The following KANK3 variants were observed in gnomAD, a reference collection of about 807,000 sequenced individuals.
KANK3 encodes the protein KN motif and ankyrin repeat domain-containing protein 3.
KANK3 carries 61 observed loss-of-function variants against 65.4 expected under a neutral mutation model. The observed-to-expected ratio is 0.93, with a 90% CI of 0.76 to 1.15. The LOEUF (loss-of-function observed/expected upper bound fraction) is 1.15, where lower values mean the gene tolerates loss of function less well. KANK3 is among the 50% of genes most tolerant of loss of function. The pLI is 0.00. For synonymous variants in KANK3, 586 were observed against 543.3 expected, an observed-to-expected ratio of 1.08 and a Z score of -1.09; for missense variants, 1,187 against 1,178.8, an observed-to-expected ratio of 1.01 and a Z score of -0.10.
Position 8,333,641 on chromosome 19 carries a change from C to A in KANK3, c.1719+83G>T, listed in dbSNP as rs951669387. 1.2e-5 allele frequency: 14 copies of A among 1,147,160 alleles called. No homozygotes were observed. Among genetic ancestry groups the A allele is most frequent in the Non-Finnish European group, 1.6e-5 (14 of 848,636 alleles). 71.1% of individuals were successfully genotyped at this position (1,147,160 alleles called of 1,614,324 possible). A position where few individuals can be genotyped will look rare whatever the true frequency, so the allele number is the denominator to read the frequency against. On this transcript the variant is annotated intron_variant, in intron 6 of 10. Transcript: ENST00000330915. The surrounding 1 kb of genome is among the most constrained non-coding windows in gnomAD (Gnocchi z 5.0). ...GGTGCCTGGCGGGAAGGGATGGAAC[C>A]CGGTGTGCTCCCCTAAGTGGGCGTC...
At chr19:8,342,845 G>C (rs1970738111) in intron 1 of KANK3, among the ~76,000 whole-genome samples, 2 of 152,072 alleles carry the variant, frequency 1.3e-5, no homozygotes, top group African/African-American at 4.8e-5. Context: ...GGGGCCGTGC[G>C]TCCCTCCCCA....
rs1483724346 is a variant in KANK3, at chr19:8,322,877, C to T, written c.2428G>A (p.Glu810Lys). The change falls in exon 11 of 11, where the codon GAA becomes AAA. Residue 810 changes from glutamate (E) to lysine (K), a missense_variant. This residue lies in a region of KANK3 where 1,078 missense variants were observed against 1,038.2 expected (regional missense o/e 1.04). Transcript: ENST00000330915. Reference protein sequence around the residue: ...GSQTATPGEGECGDNGENPQV... With the variant: ...GSQTATPGEGKCGDNGENPQV... ...GGGTTCTCTCCATTGTCACCGCATT[C>T]TCCTTCACCAGGTGTGGCTGTCTGG... 6.3e-7 allele frequency: 1 copy of T among 1,585,238 alleles called. No homozygotes were observed. Among genetic ancestry groups the T allele is most frequent in the South Asian group, 1.1e-5 (1 of 87,416 alleles).
In KANK3 at chr19:8,324,457, C is replaced by T. The variant is rs74322373; in HGVS notation, c.2374G>A (p.Asp792Asn). 450 of 1,601,564 alleles carry T rather than the reference C, an allele frequency of 2.8e-4. 5 individuals carry two copies. The South Asian group carries it at 3.7e-3, about 13-fold the overall frequency. The change falls in exon 10 of 11, where the codon GAC (aspartate) becomes AAC (asparagine). Residue 792 changes from aspartate (D) to asparagine (N), a missense_variant. Asp to Asn is a conservative substitution (Grantham distance 23, BLOSUM62 1). This residue lies in a region of KANK3 where 1,078 missense variants were observed against 1,038.2 expected (regional missense o/e 1.04). Coordinates refer to ENST00000330915, the MANE Select transcript of KANK3 (RefSeq NM_198471.3). ...LHAHLSSGQP[D>N]TQSESPPGSQ... ...TCCAGAGCTGTGCTCACCTGGGTGTCGGGCTGGCCCGAGCTCAGGTGGGCA... is the reference window on the plus strand; with the variant it reads ...TCCAGAGCTGTGCTCACCTGGGTGTTGGGCTGGCCCGAGCTCAGGTGGGCA...
Position 8,335,105 on chromosome 19 carries a change from G to T in KANK3, c.722C>A (p.Pro241Gln). ...PEPDGEAETR[P>Q]DKLAQLRRLT... ...CCGCCGCAGCTGGGCGAGCTTGTCC[G>T]GGCGCGTCTCAGCCTCCCCGTCCGG... Residue 241 changes from proline to glutamine, a missense_variant, in exon 3 of 11, where the codon CCG (proline) becomes CAG (glutamine). Pro to Gln is a moderately conservative substitution (Grantham distance 76). This residue lies in a region of KANK3 where 1,078 missense variants were observed against 1,038.2 expected (regional missense o/e 1.04). Transcript: ENST00000330915. 9 of 1,289,896 alleles carry T rather than the reference G, an allele frequency of 7.0e-6. No homozygotes were observed. In the South Asian group the frequency reaches 1.9e-4, roughly 27 times the overall value. 79.9% of individuals were successfully genotyped at this position (1,289,896 alleles called of 1,614,324 possible).
Position 8,324,690 on chromosome 19 carries a change from G to C in KANK3, c.2223C>G (p.Arg741=). 1 of 1,614,042 alleles carries C rather than the reference G, an allele frequency of 6.2e-7. No homozygotes were observed. Among genetic ancestry groups the C allele is most frequent in the Non-Finnish European group, 8.5e-7 (1 of 1,180,034 alleles). Residue 741 remains arginine, a synonymous_variant, in exon 9 of 11, where the codon CGC becomes CGG. Coordinates refer to ENST00000330915, the MANE Select transcript of KANK3 (RefSeq NM_198471.3). ...TALMCASEYG[R]LDTVRLLLTQ... Reference sequence around the variant, plus strand: ...TGAGCAGCAGCCGCACGGTGTCCAGGCGCCCATACTCACTGGCACACATCA... The same window carrying C: ...TGAGCAGCAGCCGCACGGTGTCCAGCCGCCCATACTCACTGGCACACATCA...
At position 8,334,836 on chromosome 19, in the gene KANK3, G is replaced by A. The variant is rs936232549; in HGVS notation, c.991C>T (p.Pro331Ser). ...CACGCGTCCGCCTCCACGGTCTCGG[G>A]GGCAGCCTCCACGCCGGCCTCCCGG... Reference protein sequence around the residue: ...ETREAGVEAAPETVEADAWVT... With the variant: ...ETREAGVEAASETVEADAWVT... Residue 331 changes from proline to serine, a missense_variant, in exon 3 of 11, where the codon CCC (proline) becomes TCC (serine). By Grantham distance (74) the Pro-to-Ser change is moderately conservative. Around this residue, in one of 3 missense-constraint regions of KANK3, gnomAD observed 1,078 missense variants for 1,038.2 expected, o/e 1.04. Transcript: ENST00000330915. 3.0e-5 allele frequency: 45 copies of A among 1,478,246 alleles called. No individual in the cohort carries two copies. In the African/African-American group the frequency reaches 5.9e-4, roughly 19 times the overall value. The allele number at this position is 1,478,246 out of a possible 1,614,324, so 91.6% of individuals were successfully genotyped here.
At chr19:8,341,523 G>A (rs892116480) in intron 1 of KANK3, among the ~76,000 whole-genome samples, 1 of 152,104 alleles carries the variant, frequency 6.6e-6, no homozygotes, top group African/African-American at 2.4e-5. Context: ...TGATTCTCCT[G>A]CCTCAGCCTC....
At position 8,329,754 on chromosome 19, in the gene KANK3, T is replaced by C. The variant is rs1970493373; in HGVS notation, c.1936+3260A>G. 1.3e-5 allele frequency among the ~76,000 whole-genome samples: 2 copies of C among 152,194 alleles called. 1 individual carries two copies. Among genetic ancestry groups the C allele is most frequent in the South Asian group, 4.1e-4 (2 of 4,832 alleles). On this transcript the variant is annotated intron_variant, in intron 7 of 10. Coordinates refer to ENST00000330915, the MANE Select transcript of KANK3 (RefSeq NM_198471.3). ...TTCCATACACCTTGGGCAGCCTTCC[T>C]GAGCCTTGGGGGATTGGCTCACTGT...
At chr19:8,322,959 C>T (rs767539451) in intron 10 of KANK3, 37 bp from the exon 11 acceptor site, 4 of 1,180,786 alleles carry the variant, frequency 3.4e-6, no homozygotes, top group South Asian at 1.6e-5. Context: ...CTGCTGCAAT[C>T]TCCTTGAGGC....
At chr19:8,329,521 C>CTAACTATAGAA (rs1970489121) in intron 7 of KANK3, among the ~76,000 whole-genome samples, 1 of 113,346 alleles carries the variant, frequency 8.8e-6, no homozygotes, top group Non-Finnish European at 1.9e-5. Flanking sequence ...AAAAAAAAGA[C>CTAACTATAGAA]TAACTATAGA....
chr19:8,322,989 C>G lies in KANK3; in HGVS notation c.2383-67G>C, dbSNP rs115603544. On this transcript the variant is annotated intron_variant, in intron 10 of 10. Coordinates refer to ENST00000330915, the MANE Select transcript of KANK3 (RefSeq NM_198471.3). ...TGAGGCAGGAAACGTGGGATTCAGC[C>G]CCAGCCTCACTTAGTGGAGGTTCTT... The G allele has an allele frequency of 8.2e-4, 745 of 908,028 alleles. 3 individuals are homozygous for G. The African/African-American group carries it at 0.01, about 12-fold the overall frequency. 56.2% of individuals were successfully genotyped at this position (908,028 alleles called of 1,614,324 possible).
At position 8,334,831 on chromosome 19, in the gene KANK3, C is replaced by G; in HGVS notation, c.996G>C (p.Glu332Asp). 6.8e-7 allele frequency: 1 copy of G among 1,480,564 alleles called. No individual in the cohort carries two copies. The highest frequency in any genetic ancestry group is 1.5e-5 in the African/African-American group (1 of 67,862). 91.7% of individuals were successfully genotyped at this position (1,480,564 alleles called of 1,614,324 possible). Residue 332 changes from glutamate to aspartate, a missense_variant, in exon 3 of 11, where the codon GAG becomes GAC. Transcript: ENST00000330915. ...TCACCCACGCGTCCGCCTCCACGGT[C>G]TCGGGGGCAGCCTCCACGCCGGCCT... Reference protein sequence around the residue: ...TREAGVEAAPETVEADAWVTE... With the variant: ...TREAGVEAAPDTVEADAWVTE...
chr19:8,328,208 T>G (rs935489254), intron 7 of KANK3, among the ~76,000 whole-genome samples: 1 of 151,852 alleles, frequency 6.6e-6, no homozygotes, highest in African/African-American at 2.4e-5. Flanking sequence ...GGCCCAGGAG[T>G]TGGAGATCAG....
rs755238232 is a variant in KANK3, at chr19:8,322,808, C to T, written c.*31G>A. The stretch of plus-strand genomic sequence containing the variant: ...GGTGACTGACGAGGAGATCTCCCCA[C>T]AGCTAGGTGTAGTGAGCCAGACGAG... On this transcript the variant is annotated 3_prime_UTR_variant, in exon 11 of 11. Coordinates refer to ENST00000330915, the MANE Select transcript of KANK3 (RefSeq NM_198471.3). 22 of 1,538,038 alleles carry T rather than the reference C, an allele frequency of 1.4e-5. No individual in the cohort carries two copies. The Admixed American group carries it at 2.4e-4, about 17-fold the overall frequency.
rs1173792534 is a variant in KANK3 at position 8,335,004 on chromosome 19, G to A, written c.823C>T (p.Leu275=). Residue 275 remains leucine, a synonymous_variant, in exon 3 of 11, where the codon CTG becomes TTG. Coordinates refer to ENST00000330915, the MANE Select transcript of KANK3 (RefSeq NM_198471.3). The part of the protein sequence containing the change: ...ASPRADSPDG[L]AAGRSEGALQ... Reference sequence around the variant, plus strand: ...GCGCCCTCGCTGCGCCCTGCAGCCAGGCCGTCTGGGCTGTCAGCCCGGGGG... The same window carrying A: ...GCGCCCTCGCTGCGCCCTGCAGCCAAGCCGTCTGGGCTGTCAGCCCGGGGG... 6.1e-6 allele frequency: 9 copies of A among 1,473,842 alleles called. No homozygotes were observed. The highest frequency in any genetic ancestry group is 2.3e-4 in the Middle Eastern group (1 of 4,316). 91.3% of individuals were successfully genotyped at this position (1,473,842 alleles called of 1,614,324 possible). A position where few individuals can be genotyped will look rare whatever the true frequency, so the allele number is the denominator to read the frequency against.
chr19:8,324,987 G>A lies in KANK3; in HGVS notation c.2046C>T (p.Leu682=). 1 of 1,613,122 alleles carries A rather than the reference G, an allele frequency of 6.2e-7. No individual in the cohort carries two copies. The highest frequency in any genetic ancestry group is 1.3e-5 in the African/African-American group (1 of 74,492). ...TGGCATTGACATCACCCATGCAGAA[G>A]AGTCTCTGGACCACAGCCATGTCCT... ...EEEDMAVVQR[L]FCMGDVNAKA... The change falls in exon 8 of 11, where the codon CTC becomes CTT. Residue 682 remains leucine (L), a synonymous_variant. Transcript: ENST00000330915.
intron 7 of KANK3, 33 bp downstream of exon 7, chr19:8,332,981 C>A: frequency 1.6e-6 from 1 of 616,748 alleles, no homozygotes; most frequent in South Asian, 1.5e-5. Flanking sequence ...CACCCATTTC[C>A]TGGTGTCCCA....
chr19:8,335,240 C>A lies in KANK3; in HGVS notation c.587G>T (p.Arg196Leu). The A allele has an allele frequency of 1.6e-6, 2 of 1,223,936 alleles. No homozygotes were observed. Among genetic ancestry groups the A allele is most frequent in the Non-Finnish European group, 1.0e-6 (1 of 981,242 alleles). The allele number at this position is 1,223,936 out of a possible 1,614,324, so 75.8% of individuals were successfully genotyped here. The change falls in exon 3 of 11, where the codon CGC becomes CTC. Residue 196 changes from arginine (R) to leucine (L), a missense_variant. Physicochemically the swap from Arg to Leu is moderately radical, Grantham distance 102. Coordinates refer to ENST00000330915, the MANE Select transcript of KANK3 (RefSeq NM_198471.3). ...VREQMAAALR[R>L]LRELEDQART... ...CGCCTGGTCCTCGAGCTCGCGCAGG[C>A]GCCGCAGCGCCGCGGCCATCTGCTC...
rs756667715 is a variant in KANK3 at position 8,334,548 on chromosome 19, C to T, written c.1279G>A (p.Glu427Lys). The T allele has an allele frequency of 8.1e-6, 13 of 1,601,662 alleles. No individual in the cohort carries two copies. The change falls in exon 3 of 11, where the codon GAG becomes AAG. Residue 427 changes from glutamate (E) to lysine (K), a missense_variant. This residue lies in a region of KANK3 where 1,078 missense variants were observed against 1,038.2 expected (regional missense o/e 1.04). Transcript: ENST00000330915. ...CCGTCCATGGATCCGGGCGAGCTCTCCTGAGTCAAGGAGGGCGCCTCTGCC... is the reference window on the plus strand; with the variant it reads ...CCGTCCATGGATCCGGGCGAGCTCTTCTGAGTCAAGGAGGGCGCCTCTGCC... ...SPAEAPSLTQ[E>K]SSPGSMDGDR...
Sources: allele counts gnomAD v4.1 joint callset (sites outside exome capture counted in the v4.1 genomes callset), GRCh38; gene constraint gnomAD v4.1.1; regional missense constraint gnomAD v4.1.1; non-coding constraint Gnocchi (gnomAD v3.1); transcripts MANE v1.5; gene names NCBI Gene and HGNC (gene_info 2026-07-23, HGNC 2026-07-21).